MECOM: variants seen among roughly 807,000 people sequenced by gnomAD.
The protein encoded by MECOM is MDS1 and EVI1 complex locus.
Under a neutral mutation model 116.3 loss-of-function variants are expected in MECOM, and 13 were observed. The observed-to-expected ratio is 0.11, with a 90% CI of 0.07 to 0.18. The LOEUF is 0.18. Among genes scored for constraint, MECOM ranks in the 10% least tolerant of loss-of-function variants. The probability of loss-of-function intolerance (pLI) is 1.00; values close to 1 mark genes in which losing one functional copy is unlikely to be tolerated. For missense variants in MECOM, 1,299 were observed against 1,509.0 expected (o/e 0.86, Z 2.31); for synonymous variants, 528 against 535.2 (o/e 0.99, Z 0.19).
chr3:169,523,992 A>G (rs1757678227), intron 1 of MECOM, among the ~76,000 whole-genome samples: 1 of 147,592 alleles, frequency 6.8e-6, no homozygotes, highest in South Asian at 2.1e-4. Context: ...ACACATACAT[A>G]CCTGTATATG....
At chr3:169,435,141 A>G (rs80281392) in intron 1 of MECOM, among the ~76,000 whole-genome samples, 6,595 of 152,350 alleles carry the variant, frequency 0.043, 453 homozygotes, top group Admixed American at 0.19. Context: ...ATATGCAGCA[A>G]TGATGGTCTT....
chr3:169,379,797 A>C (rs1286781894), intron 2 of MECOM, among the ~76,000 whole-genome samples: 1 of 152,156 alleles, frequency 6.6e-6, no homozygotes, highest in East Asian at 1.9e-4. Flanking sequence ...GTTTATAGCC[A>C]TTATTTTAAG....
At chr3:169,286,835 G>C (rs1228127470) in intron 2 of MECOM, among the ~76,000 whole-genome samples, 1 of 152,092 alleles carries the variant, frequency 6.6e-6, no homozygotes, top group East Asian at 1.9e-4. Flanking sequence ...GCCCCGAGAA[G>C]AACCCAGAAG....
chr3:169,473,536 T>G (rs1231230666), intron 1 of MECOM, among the ~76,000 whole-genome samples: 3 of 152,112 alleles, frequency 2.0e-5, no homozygotes, highest in African/African-American at 7.2e-5. Context: ...TATGGGAGGC[T>G]GAGGTGGGTG....
At chr3:169,202,852 T>G (rs1415013584) in intron 2 of MECOM, among the ~76,000 whole-genome samples, 1 of 147,096 alleles carries the variant, frequency 6.8e-6, no homozygotes, top group African/African-American at 2.5e-5. Flanking sequence ...GAGTTAACAA[T>G]TAAGTCCAAC....
intron 2 of MECOM, among the ~76,000 whole-genome samples, chr3:169,354,014 G>A (rs967896238): frequency 6.6e-6 from 1 of 151,850 alleles, no homozygotes; most frequent in Non-Finnish European, 1.5e-5. Context: ...TCGCATAGCT[G>A]AAATCTTTTA....
At chr3:169,108,075 A>T in intron 9 of MECOM, 123 bp from the exon 10 acceptor site, 2 of 666,546 alleles carry the variant, frequency 3.0e-6, no homozygotes, top group South Asian at 4.3e-5. Flanking sequence ...ATGTAACTGT[A>T]CCTTGAGTAA....
intron 2 of MECOM, among the ~76,000 whole-genome samples, chr3:169,218,962 G>A (rs1474299167): frequency 1.3e-5 from 2 of 152,096 alleles, no homozygotes; most frequent in African/African-American, 2.4e-5. Flanking sequence ...AGCTGCGTGT[G>A]TGTGTGTGTG....
chr3:169,131,268 T>C (rs929649675), intron 4 of MECOM, among the ~76,000 whole-genome samples, 161 bp downstream of exon 4: 3 of 152,224 alleles, frequency 2.0e-5, no homozygotes, highest in African/African-American at 7.2e-5. Flanking sequence ...AGTGGCCAGA[T>C]GTCAAACCAA....
chr3:169,262,336 TA>T (rs779786052), intron 2 of MECOM, among the ~76,000 whole-genome samples: 1 of 152,220 alleles, frequency 6.6e-6, no homozygotes, highest in Non-Finnish European at 1.5e-5. Context: ...TACTCAAATG[TA>T]AAAGCTCAGC....
At chr3:169,255,647 G>A (rs1409388252) in intron 2 of MECOM, among the ~76,000 whole-genome samples, 2 of 152,284 alleles carry the variant, frequency 1.3e-5, no homozygotes, top group East Asian at 3.9e-4. Flanking sequence ...TATTGGTCAA[G>A]TTCCTTACAA....
intron 2 of MECOM, among the ~76,000 whole-genome samples, chr3:169,260,115 T>C (rs1303618801): frequency 6.6e-6 from 1 of 152,236 alleles, no homozygotes; most frequent in Non-Finnish European, 1.5e-5. Flanking sequence ...TTTTAATTTC[T>C]TATTAGTGGG....
At chr3:169,520,106 A>G (rs1438900801) in intron 1 of MECOM, among the ~76,000 whole-genome samples, 1 of 152,240 alleles carries the variant, frequency 6.6e-6, no homozygotes, top group Non-Finnish European at 1.5e-5. Flanking sequence ...AAGAAGAGAG[A>G]TGATCTGAGA....
At chr3:169,481,222 A>G (rs2421650) in intron 1 of MECOM, among the ~76,000 whole-genome samples, 69,024 of 151,926 alleles carry the variant, frequency 0.45, 16,050 homozygotes, top group South Asian at 0.56. Context: ...TTTTAGCTGT[A>G]TATCTTGGCA....
intron 2 of MECOM, among the ~76,000 whole-genome samples, chr3:169,253,294 A>G (rs1032034592): frequency 5.9e-5 from 9 of 152,192 alleles, no homozygotes; most frequent in Non-Finnish European, 1.0e-4. Context: ...GAACTTCACT[A>G]ATGCTGACCA....
intron 1 of MECOM, among the ~76,000 whole-genome samples, chr3:169,510,292 AAT>A (rs1408146655): frequency 6.6e-6 from 1 of 152,090 alleles, no homozygotes; most frequent in African/African-American, 2.4e-5. Flanking sequence ...TCCTGTTTCT[AAT>A]TTTCAGGCAG....
At chr3:169,633,521 T>C (rs544055753) in intron 1 of MECOM, among the ~76,000 whole-genome samples, 1 of 152,140 alleles carries the variant, frequency 6.6e-6, no homozygotes, top group Admixed American at 6.6e-5. Flanking sequence ...CAAAAGGTTC[T>C]TGGAGGGTGT....
chr3:169,644,878 T>C (rs1240287106), intron 1 of MECOM, among the ~76,000 whole-genome samples: 2 of 152,118 alleles, frequency 1.3e-5, no homozygotes, highest in Non-Finnish European at 2.9e-5. Flanking sequence ...CCTTCAGGTG[T>C]CCAAAGTTAT....
chr3:169,171,280 G>T (rs891660434), intron 2 of MECOM, among the ~76,000 whole-genome samples: 5 of 152,026 alleles, frequency 3.3e-5, no homozygotes, highest in African/African-American at 1.2e-4. Flanking sequence ...GAATTGCTTT[G>T]GTTCTCATGA....
Sources: gnomAD v4.1 joint callset for allele counts (sites outside exome capture counted in the v4.1 genomes callset) on GRCh38, gnomAD v4.1.1 for gene constraint, MANE v1.5 for transcripts, NCBI Gene and HGNC (gene_info 2026-07-23, HGNC 2026-07-21) for gene names.